Variants in TRPC7 observed in about 807,000 individuals in gnomAD.
TRPC7 encodes the protein short transient receptor potential channel 7.
Under a neutral mutation model 90.1 loss-of-function variants are expected in TRPC7, and 42 were observed. The ratio of observed to expected loss-of-function variants is 0.47; its 90% CI spans 0.36 to 0.60. TRPC7 has a LOEUF of 0.60. TRPC7 is among the 20% of genes least tolerant of loss of function. The probability of loss-of-function intolerance (pLI) is 0.00; values close to 1 mark genes in which losing one functional copy is unlikely to be tolerated. For synonymous variants in TRPC7, 451 were observed against 436.3 expected, an observed-to-expected ratio of 1.03 and a Z score of -0.42; for missense variants, 955 against 1,112.3, an observed-to-expected ratio of 0.86 and a Z score of 2.01.
chr5:136,234,423 C>T (rs1048638302), intron 7 of TRPC7, among the ~76,000 whole-genome samples: 6 of 152,026 alleles, frequency 3.9e-5, no homozygotes, highest in Non-Finnish European at 8.8e-5. Context: ...GATTCTCCTG[C>T]CTCAGCCTTC....
chr5:136,293,618 C>A (rs1013102395), intron 3 of TRPC7, among the ~76,000 whole-genome samples: 1 of 152,094 alleles, frequency 6.6e-6, no homozygotes, highest in Admixed American at 6.5e-5. Context: ...GAACTACAAA[C>A]CACTGCTCAA....
intron 2 of TRPC7, among the ~76,000 whole-genome samples, chr5:136,348,865 TTAATG>T (rs760856063): frequency 2.0e-4 from 31 of 152,256 alleles, no homozygotes; most frequent in Non-Finnish European, 3.8e-4. Context: ...TCTACTGTGA[TTAATG>T]TATATAGCAT....
At chr5:136,225,178 G>T in intron 10 of TRPC7, 96 bp downstream of exon 10, 1 of 1,058,846 alleles carries the variant, frequency 9.4e-7, no homozygotes, top group Non-Finnish European at 1.4e-6. Flanking sequence ...GAATGAAGCT[G>T]TGTTCTCGGG....
At chr5:136,333,643 G>C (rs1464663084) in intron 2 of TRPC7, among the ~76,000 whole-genome samples, 1 of 152,162 alleles carries the variant, frequency 6.6e-6, no homozygotes, top group Non-Finnish European at 1.5e-5. Flanking sequence ...GAATCTGTTG[G>C]AATCATCTGG....
At chr5:136,226,751 T>TA (rs746777418) in intron 8 of TRPC7, among the ~76,000 whole-genome samples, 7 of 152,216 alleles carry the variant, frequency 4.6e-5, no homozygotes, top group African/African-American at 1.7e-4. Flanking sequence ...TTCTAAAAAG[T>TA]AAAATTGAAC....
At chr5:136,309,267 A>G (rs1257761363) in intron 3 of TRPC7, among the ~76,000 whole-genome samples, 2 of 152,222 alleles carry the variant, frequency 1.3e-5, no homozygotes, top group Admixed American at 6.5e-5. Context: ...TGTTACCATC[A>G]TTTGTGGAGA....
rs536171706 is a variant in TRPC7 at position 136,320,689 on chromosome 5, T to C, written c.781-4910A>G. On this transcript the variant is annotated intron_variant, in intron 2 of 11. Transcript: ENST00000513104. ...TACTGGGGGTCTCCCCCGGATTCAGTCTACTCCAGCCACTCTGGTGCCCCT... is the reference window on the plus strand; with the variant it reads ...TACTGGGGGTCTCCCCCGGATTCAGCCTACTCCAGCCACTCTGGTGCCCCT... Among the ~76,000 whole-genome samples the C allele has an allele frequency of 2.8e-4, 42 of 152,298 alleles. No homozygotes were observed. In the South Asian group the frequency reaches 7.3e-3, roughly 26 times the overall value.
chr5:136,241,420 G>T (rs1050089414), intron 7 of TRPC7, among the ~76,000 whole-genome samples: 5 of 152,234 alleles, frequency 3.3e-5, no homozygotes, highest in African/African-American at 1.2e-4. Context: ...GGGAGACAGG[G>T]GCCCACCATG....
intron 3 of TRPC7, among the ~76,000 whole-genome samples, chr5:136,290,739 T>A (rs1457326283): frequency 1.3e-5 from 2 of 152,190 alleles, no homozygotes; most frequent in Non-Finnish European, 2.9e-5. Context: ...CCAGGAGAAC[T>A]TCCCCCATCT....
intron 2 of TRPC7, among the ~76,000 whole-genome samples, chr5:136,330,745 A>T (rs570663026): frequency 6.6e-6 from 1 of 152,232 alleles, no homozygotes; most frequent in South Asian, 2.1e-4. Context: ...AGTCACCAGC[A>T]GGTGTGTGGC....
chr5:136,335,710 T>C (rs766490726), intron 2 of TRPC7, among the ~76,000 whole-genome samples: 2 of 151,778 alleles, frequency 1.3e-5, no homozygotes, highest in Admixed American at 6.6e-5. Context: ...GAGACCATCC[T>C]GGATAACACA....
In TRPC7 at chr5:136,365,268, C is replaced by T. The variant is rs1159095415; in HGVS notation, c.-14G>A. 2.0e-6 allele frequency: 3 copies of T among 1,537,066 alleles called. No homozygotes were observed. The highest frequency in any genetic ancestry group is 2.6e-6 in the Non-Finnish European group (3 of 1,146,844). On this transcript the variant is annotated 5_prime_UTR_variant, in exon 1 of 12. Coordinates refer to ENST00000513104, the MANE Select transcript of TRPC7 (RefSeq NM_020389.3). ...AGCTGCTTACATTGAGGGTGTAATA[C>T]GCAGGCTTGTTCCTCCTCTAGATGA...
intron 2 of TRPC7, among the ~76,000 whole-genome samples, chr5:136,335,956 T>G (rs1291827761): frequency 6.7e-6 from 1 of 149,514 alleles, no homozygotes; most frequent in African/African-American, 2.5e-5. Flanking sequence ...CAAGCATCTT[T>G]ATTATCAAAC....
intron 5 of TRPC7, 41 bp downstream of exon 5, chr5:136,266,179 T>C (rs1018574774): frequency 1.1e-5 from 17 of 1,541,430 alleles, no homozygotes; most frequent in Non-Finnish European, 1.4e-5. Flanking sequence ...TGTCCTACTA[T>C]AATTAGCAAG....
intron 3 of TRPC7, among the ~76,000 whole-genome samples, chr5:136,288,357 C>T (rs1368199580): frequency 1.3e-5 from 2 of 151,476 alleles, no homozygotes; most frequent in Non-Finnish European, 2.9e-5. Context: ...CATTTTAATA[C>T]TATAATAAAA....
intron 9 of TRPC7, 114 bp downstream of exon 9, chr5:136,225,920 C>T (rs975093481): frequency 2.8e-5 from 24 of 863,188 alleles, no homozygotes; most frequent in Non-Finnish European, 4.1e-5. Context: ...CCTCCCAGCT[C>T]CTGGCTCCCC....
At chr5:136,338,219 A>G (rs1389707673) in intron 2 of TRPC7, among the ~76,000 whole-genome samples, 2 of 152,244 alleles carry the variant, frequency 1.3e-5, no homozygotes, top group East Asian at 3.8e-4. Flanking sequence ...ATAGTAACGT[A>G]AAAGACGATC....
chr5:136,237,558 G>T (rs988006833), intron 7 of TRPC7, among the ~76,000 whole-genome samples: 2 of 152,174 alleles, frequency 1.3e-5, no homozygotes, highest in African/African-American at 2.4e-5. Context: ...AACAATCGAG[G>T]TGCAAGTTCT....
chr5:136,357,317 T>G lies in TRPC7; in HGVS notation c.71A>C (p.Gln24Pro). Residue 24 changes from glutamine to proline, a missense_variant, in exon 2 of 12, where the codon CAG becomes CCG. Around this residue, in one of 4 missense-constraint regions of TRPC7, gnomAD observed 161 missense variants for 145.7 expected, o/e 1.10. Coordinates refer to ENST00000513104, the MANE Select transcript of TRPC7 (RefSeq NM_020389.3). ...CATGTAGGCGGGACCCCGGATGGCC[T>G]GGCGACGGCCCTTCTCCCTCAGCGT... is the stretch of plus-strand genomic sequence containing the variant. The part of the protein sequence containing the change: ...HTTLREKGRR[Q>P]AIRGPAYMFN... 1 of 1,608,534 alleles carries G rather than the reference T, an allele frequency of 6.2e-7. No homozygotes were observed.
Sources: gnomAD v4.1 joint callset for allele counts (sites outside exome capture counted in the v4.1 genomes callset) on GRCh38, gnomAD v4.1.1 for gene constraint, gnomAD v4.1.1 regional missense constraint, MANE v1.5 for transcripts, NCBI Gene and HGNC (gene_info 2026-07-23, HGNC 2026-07-21) for gene names.